FRA10AC1: variants seen among roughly 807,000 people sequenced by gnomAD.
FRA10AC1 encodes FRA10A associated CGG repeat 1, also known as protein FRA10AC1.
In FRA10AC1, 43 loss-of-function variants were observed where a neutral mutation model predicts 56.5. That is an observed-to-expected ratio of 0.76 (90% CI 0.60 to 0.98). The LOEUF is 0.98. FRA10AC1 is among the 50% of genes least tolerant of loss of function. The pLI is 0.00. For synonymous variants in FRA10AC1, 112 were observed against 110.5 expected (o/e 1.01, Z -0.09); for missense variants, 346 against 351.8 (o/e 0.98, Z 0.13).
At position 93,669,858 on chromosome 10, in the gene FRA10AC1, ATTC is replaced by A. The variant is rs1564809541; in HGVS notation, c.913_915del (p.Glu305del). On this transcript the variant is annotated inframe_deletion, in exon 14 of 14. Coordinates refer to ENST00000359204, the MANE Select transcript of FRA10AC1 (RefSeq NM_145246.5). ...AACAAATCCTGAAAATACTCATCAAATTCTTCTTCCCTATTTAAAAAAAAAAGC... is the reference window on the plus strand; with the variant it reads ...AACAAATCCTGAAAATACTCATCAAATTCTTCCCTATTTAAAAAAAAAAGC... 1.3e-6 allele frequency: 2 copies of A among 1,573,090 alleles called. No individual in the cohort carries two copies. Among genetic ancestry groups the A allele is most frequent in the East Asian group, 4.5e-5 (2 of 44,234 alleles).
chr10:93,695,010 G>A, intron 4 of FRA10AC1, 73 bp from the exon 5 acceptor site: 1 of 766,670 alleles, frequency 1.3e-6, no homozygotes. Flanking sequence ...CTGATTGGTG[G>A]TAAAAAAAAG....
intron 10 of FRA10AC1, among the ~76,000 whole-genome samples, chr10:93,683,198 G>A (rs1419630462): frequency 1.3e-5 from 2 of 152,134 alleles, no homozygotes; most frequent in Non-Finnish European, 2.9e-5. Context: ...GCCTTACAGA[G>A]GTTAAGCAGT....
intron 7 of FRA10AC1, among the ~76,000 whole-genome samples, chr10:93,690,445 A>G (rs2059106686): frequency 6.6e-6 from 1 of 152,192 alleles, no homozygotes; most frequent in Non-Finnish European, 1.5e-5. Flanking sequence ...GAGAACTCAA[A>G]TATTTAATTT....
At chr10:93,698,047 T>G in intron 4 of FRA10AC1, 89 bp downstream of exon 4, 1 of 716,506 alleles carries the variant, frequency 1.4e-6, no homozygotes, top group South Asian at 2.5e-5. Flanking sequence ...TAAAAAAGCC[T>G]ATTTGACTTC....
chr10:93,699,996 G>A (rs1445333275), intron 2 of FRA10AC1, 34 bp downstream of exon 2: 2 of 1,138,184 alleles, frequency 1.8e-6, no homozygotes, highest in Admixed American at 1.8e-5. Context: ...TAGAAAGGAT[G>A]TGAAAAATAG....
intron 13 of FRA10AC1, 73 bp downstream of exon 13, chr10:93,670,697 T>C: frequency 2.1e-6 from 2 of 952,942 alleles, no homozygotes; most frequent in Non-Finnish European, 1.7e-6. Flanking sequence ...TATTTTTCCA[T>C]TAATAAAGCT....
Position 93,702,526 on chromosome 10 carries a change from C to A in FRA10AC1, c.-152G>T. The A allele has an allele frequency of 8.8e-6, 1 of 114,212 alleles. No individual in the cohort carries two copies. Among genetic ancestry groups the A allele is most frequent in the Non-Finnish European group, 1.8e-5 (1 of 55,054 alleles). The allele number at this position is 114,212 out of a possible 1,614,324, so 7.1% of individuals were successfully genotyped here. ...CACAGCCTCGCCACAACCACCACCGCCGCCGCCGCCGCCGCCGCCGCCCGC... is the reference window on the plus strand; with the variant it reads ...CACAGCCTCGCCACAACCACCACCGACGCCGCCGCCGCCGCCGCCGCCCGC... On this transcript the variant is annotated 5_prime_UTR_variant, in exon 1 of 14. Transcript: ENST00000359204.
At chr10:93,684,829 C>T (rs78628080) in intron 9 of FRA10AC1, among the ~76,000 whole-genome samples, 6,576 of 152,178 alleles carry the variant, frequency 0.043, 446 homozygotes, top group African/African-American at 0.15. Flanking sequence ...AACAATTATG[C>T]CTTCCTAAAG....
chr10:93,671,804 C>T, intron 12 of FRA10AC1: 1 of 295,848 alleles, frequency 3.4e-6, no homozygotes, highest in Non-Finnish European at 6.5e-6. Context: ...AAAAGCCAAC[C>T]AAATTTAACT....
intron 8 of FRA10AC1, 75 bp downstream of exon 8, chr10:93,687,329 A>G (rs1446974051): frequency 1.9e-5 from 22 of 1,159,264 alleles, no homozygotes; most frequent in Admixed American, 3.0e-5. Flanking sequence ...GTTAGGAATG[A>G]TCTTAATGAC....
At chr10:93,676,938 T>C (rs573566728) in intron 11 of FRA10AC1, among the ~76,000 whole-genome samples, 1 of 152,138 alleles carries the variant, frequency 6.6e-6, no homozygotes, top group African/African-American at 2.4e-5. Flanking sequence ...CAAAAAATAA[T>C]GAATACCTGC....
chr10:93,701,801 G>C (rs1329038194), intron 1 of FRA10AC1, among the ~76,000 whole-genome samples: 1 of 152,016 alleles, frequency 6.6e-6, no homozygotes, highest in Non-Finnish European at 1.5e-5. Flanking sequence ...GACAGCTGTA[G>C]TGTGTTTAGA....
chr10:93,671,551 CTG>C (rs1554893319), intron 12 of FRA10AC1: 1 of 159,140 alleles, frequency 6.3e-6, no homozygotes, highest in Non-Finnish European at 1.4e-5. Context: ...AAGATGCACA[CTG>C]TGTAACAACA....
intron 4 of FRA10AC1, among the ~76,000 whole-genome samples, chr10:93,695,674 C>T (rs9633674): frequency 0.66 from 100,658 of 151,462 alleles, 34,157 homozygotes; most frequent in Middle Eastern, 0.79. Flanking sequence ...TGTGTACTAA[C>T]AGACAATTTA....
intron 8 of FRA10AC1, among the ~76,000 whole-genome samples, chr10:93,685,916 T>C (rs1290738349): frequency 6.6e-6 from 1 of 151,822 alleles, no homozygotes; most frequent in Non-Finnish European, 1.5e-5. Context: ...TGAAGTACAA[T>C]ACGCAGTCAA....
chr10:93,676,744 C>A (rs193088314), intron 11 of FRA10AC1, 53 bp from the exon 12 acceptor site: 22 of 1,507,764 alleles, frequency 1.5e-5, no homozygotes, highest in Non-Finnish European at 1.6e-5. Flanking sequence ...ATAGTGCAAT[C>A]ATTGTAGCTA....
chr10:93,686,641 G>A (rs1182411483), intron 8 of FRA10AC1, among the ~76,000 whole-genome samples: 1 of 111,862 alleles, frequency 8.9e-6, no homozygotes, highest in Non-Finnish European at 2.1e-5. Context: ...ACTTATGGAA[G>A]ATATATATGA....
At chr10:93,693,680 A>G (rs533299757) in intron 5 of FRA10AC1, among the ~76,000 whole-genome samples, 6 of 92,524 alleles carry the variant, frequency 6.5e-5, no homozygotes, top group Admixed American at 2.4e-4. Context: ...CACCATATAT[A>G]TATATATATA....
chr10:93,679,332 C>A (rs1328345752), intron 11 of FRA10AC1, among the ~76,000 whole-genome samples: 1 of 152,172 alleles, frequency 6.6e-6, no homozygotes, highest in African/African-American at 2.4e-5. Flanking sequence ...AGAATCTCTG[C>A]CTCTTTGGCT....
Sources: allele counts gnomAD v4.1 joint callset (sites outside exome capture counted in the v4.1 genomes callset), GRCh38; gene constraint gnomAD v4.1.1; transcripts MANE v1.5; gene names NCBI Gene and HGNC (gene_info 2026-07-23, HGNC 2026-07-21).